The following GRID1 variants were observed in gnomAD, a reference collection of about 807,000 sequenced individuals.
The protein encoded by GRID1 is glutamate ionotropic receptor delta type subunit 1, also known as glutamate receptor ionotropic, delta-1.
GRID1 carries 28 observed loss-of-function variants against 98.0 expected under a neutral mutation model. That is an observed-to-expected ratio of 0.29 (90% confidence interval 0.21 to 0.39). The LOEUF is 0.39. Among genes scored for constraint, GRID1 ranks in the 10% least tolerant of loss-of-function variants. The probability of loss-of-function intolerance (pLI) is 1.00; values close to 1 mark genes in which losing one functional copy is unlikely to be tolerated. For missense variants in GRID1, 1,111 were observed against 1,340.5 expected, an observed-to-expected ratio of 0.83 and a Z score of 2.67; for synonymous variants, 553 against 538.5, an observed-to-expected ratio of 1.03 and a Z score of -0.37.
chr10:86,107,837 C>A (rs1844414925), intron 4 of GRID1, among the ~76,000 whole-genome samples: 1 of 152,160 alleles, frequency 6.6e-6, no homozygotes, highest in African/African-American at 2.4e-5. Flanking sequence ...CAGAGGAGAA[C>A]CCAGGCTGCC....
intron 8 of GRID1, among the ~76,000 whole-genome samples, chr10:85,792,362 T>A (rs1459479309): frequency 6.6e-6 from 1 of 152,130 alleles, no homozygotes; most frequent in Non-Finnish European, 1.5e-5. Flanking sequence ...CTCAAATAAA[T>A]CCTGTATTCA....
intron 8 of GRID1, among the ~76,000 whole-genome samples, chr10:85,843,490 A>C (rs1842979084): frequency 6.6e-6 from 1 of 152,128 alleles, no homozygotes; most frequent in Non-Finnish European, 1.5e-5. Flanking sequence ...TCAACAGAAA[A>C]GGAAAAGCCA....
chr10:85,771,999 C>A (rs12246235), intron 8 of GRID1, among the ~76,000 whole-genome samples: 1 of 152,110 alleles, frequency 6.6e-6, no homozygotes, highest in Admixed American at 6.5e-5. Context: ...AACTCTCCAC[C>A]CCAAATCAAC....
At chr10:85,620,172 G>C in intron 13 of GRID1, 139 bp from the exon 14 acceptor site, 1 of 669,018 alleles carries the variant, frequency 1.5e-6, no homozygotes, top group African/African-American at 1.8e-5. Context: ...CAGCAACTCT[G>C]CTACTGTTTT....
intron 13 of GRID1, among the ~76,000 whole-genome samples, chr10:85,638,735 A>G (rs1843078605): frequency 6.6e-6 from 1 of 152,254 alleles, no homozygotes; most frequent in African/African-American, 2.4e-5. Flanking sequence ...TAAATCAGCA[A>G]TGAGAAGATG....
At chr10:86,309,431 G>A (rs1847802570) in intron 2 of GRID1, among the ~76,000 whole-genome samples, 1 of 152,212 alleles carries the variant, frequency 6.6e-6, no homozygotes, top group African/African-American at 2.4e-5. Flanking sequence ...TAAATGGTGG[G>A]CCAAGAAAGC....
chr10:85,880,079 T>C (rs746872667), intron 5 of GRID1, among the ~76,000 whole-genome samples: 3 of 152,148 alleles, frequency 2.0e-5, no homozygotes, highest in Non-Finnish European at 4.4e-5. Context: ...CAGGAAGAAG[T>C]TGAATCTCTG....
At chr10:86,272,886 T>TTTTG (rs532637209) in intron 2 of GRID1, among the ~76,000 whole-genome samples, 17 of 152,190 alleles carry the variant, frequency 1.1e-4, no homozygotes, top group East Asian at 1.9e-4. Context: ...ACTAATCTCT[T>TTTTG]TTTGTTTGTT....
At chr10:85,821,539 A>AAAAAAAAAAAAACAAACAAAC (rs770693495) in intron 8 of GRID1, among the ~76,000 whole-genome samples, 1 of 97,594 alleles carries the variant, frequency 1.0e-5, no homozygotes, top group Non-Finnish European at 2.2e-5. Flanking sequence ...AAAAAAAAAA[A>AAAAAAAAAAAAACAAACAAAC]AAAAAAGAAA....
intron 4 of GRID1, among the ~76,000 whole-genome samples, chr10:86,060,953 C>T (rs768947860): frequency 6.6e-6 from 1 of 152,140 alleles, no homozygotes; most frequent in Non-Finnish European, 1.5e-5. Context: ...CAATGCGCCC[C>T]TTTCCAAAGA....
At chr10:86,065,912 G>A (rs1843714086) in intron 4 of GRID1, among the ~76,000 whole-genome samples, 1 of 152,216 alleles carries the variant, frequency 6.6e-6, no homozygotes, top group Non-Finnish European at 1.5e-5. Context: ...AAACTGTACA[G>A]ACTGGGAGGC....
At chr10:86,050,320 T>C (rs967991136) in intron 4 of GRID1, among the ~76,000 whole-genome samples, 1 of 152,264 alleles carries the variant, frequency 6.6e-6, no homozygotes, top group Non-Finnish European at 1.5e-5. Flanking sequence ...TGTGTATATA[T>C]GTAGTGTTTA....
intron 4 of GRID1, among the ~76,000 whole-genome samples, chr10:85,919,746 C>T (rs528597548): frequency 1.7e-3 from 253 of 152,326 alleles, no homozygotes; most frequent in Non-Finnish European, 3.2e-3. Context: ...AGGCAGAGTA[C>T]ATTGGAATCC....
chr10:86,248,164 G>A (rs140067368), intron 2 of GRID1, among the ~76,000 whole-genome samples: 27 of 152,308 alleles, frequency 1.8e-4, no homozygotes, highest in African/African-American at 5.1e-4. Context: ...GTAGGCAGAC[G>A]GTGCAGACAC....
At chr10:86,124,465 C>T (rs1844722419) in intron 4 of GRID1, among the ~76,000 whole-genome samples, 1 of 152,156 alleles carries the variant, frequency 6.6e-6, no homozygotes, top group Admixed American at 6.5e-5. Flanking sequence ...TTGGGGGCTC[C>T]ATCACATCCT....
chr10:86,112,312 G>A (rs1024344490), intron 4 of GRID1, among the ~76,000 whole-genome samples: 1 of 152,192 alleles, frequency 6.6e-6, no homozygotes, highest in Non-Finnish European at 1.5e-5. Context: ...TCATTGGCCA[G>A]TCACAGGGAT....
chr10:86,054,085 G>A (rs78206322), intron 4 of GRID1, among the ~76,000 whole-genome samples: 10,786 of 152,164 alleles, frequency 0.071, 446 homozygotes, highest in African/African-American at 0.11. Context: ...GCTCCAAAAA[G>A]CCACTTAACT....
intron 4 of GRID1, among the ~76,000 whole-genome samples, chr10:85,948,974 C>CT (rs1381517218): frequency 6.6e-6 from 1 of 152,034 alleles, no homozygotes; most frequent in African/African-American, 2.4e-5. Context: ...GAAAAATACA[C>CT]TTTAAGCCCA....
At chr10:86,352,280 G>A (rs911145074) in intron 2 of GRID1, among the ~76,000 whole-genome samples, 3 of 152,178 alleles carry the variant, frequency 2.0e-5, no homozygotes, top group Non-Finnish European at 4.4e-5. Context: ...GCTGGTCCAC[G>A]CTCCCTCAGG....
Sources: gnomAD v4.1 joint callset for allele counts (sites outside exome capture counted in the v4.1 genomes callset) on GRCh38, gnomAD v4.1.1 for gene constraint, MANE v1.5 for transcripts, NCBI Gene and HGNC (gene_info 2026-07-23, HGNC 2026-07-21) for gene names.